The following TYW1 variants were observed in gnomAD, a reference collection of about 807,000 sequenced individuals.
TYW1 encodes tRNA-yW synthesizing protein 1 homolog.
TYW1 carries 46 observed loss-of-function variants against 96.2 expected under a neutral mutation model. That is an observed-to-expected ratio of 0.48 (90% CI 0.38 to 0.61). TYW1 has a LOEUF of 0.61. Among genes scored for constraint, TYW1 ranks in the 20% least tolerant of loss-of-function variants. TYW1 has a pLI of 0.00. For missense variants in TYW1, 684 were observed against 909.6 expected (o/e 0.75, Z 3.19); for synonymous variants, 274 against 323.0 (o/e 0.85, Z 1.63).
At chr7:67,034,717 T>C (rs1322069940) in intron 7 of TYW1, among the ~76,000 whole-genome samples, 1 of 152,260 alleles carries the variant, frequency 6.6e-6, no homozygotes, top group African/African-American at 2.4e-5. Context: ...TTCGTAATGA[T>C]GTCCCACAAT....
At chr7:67,074,836 T>G (rs111909982) in intron 10 of TYW1, among the ~76,000 whole-genome samples, 2,627 of 152,198 alleles carry the variant, frequency 0.017, 74 homozygotes, top group African/African-American at 0.059. Context: ...AGTGGGTTTT[T>G]TTTTTTATTC....
chr7:67,032,449 T>G (rs1468125110), intron 7 of TYW1, among the ~76,000 whole-genome samples: 2 of 152,078 alleles, frequency 1.3e-5, no homozygotes, highest in Non-Finnish European at 2.9e-5. Flanking sequence ...CAAAACCCTG[T>G]CTCTACCAAA....
At chr7:67,014,278 A>C in intron 4 of TYW1, 89 bp from the exon 5 acceptor site, 1 of 1,486,936 alleles carries the variant, frequency 6.7e-7, no homozygotes, top group Non-Finnish European at 9.0e-7. Flanking sequence ...TTGTTCTTTG[A>C]GATGAGTATG....
At chr7:67,076,497 A>G (rs1374905077) in intron 10 of TYW1, among the ~76,000 whole-genome samples, 3 of 151,720 alleles carry the variant, frequency 2.0e-5, no homozygotes, top group Non-Finnish European at 1.5e-5. Flanking sequence ...TTTTTTTTAG[A>G]CAGAGTCTCG....
chr7:67,146,985 T>C (rs1427372268), intron 13 of TYW1, among the ~76,000 whole-genome samples: 2 of 152,088 alleles, frequency 1.3e-5, no homozygotes, highest in African/African-American at 4.8e-5. Context: ...AGGGCACATC[T>C]TCTTTCTTTT....
At chr7:67,177,550 A>G (rs548914135) in intron 13 of TYW1, among the ~76,000 whole-genome samples, 1 of 152,368 alleles carries the variant, frequency 6.6e-6, no homozygotes, top group East Asian at 1.9e-4. Flanking sequence ...AGAAATATTC[A>G]AGACATTTGA....
intron 3 of TYW1, among the ~76,000 whole-genome samples, chr7:66,999,549 T>C (rs1793307891): frequency 6.6e-6 from 1 of 152,116 alleles, no homozygotes; most frequent in African/African-American, 2.4e-5. Context: ...GATGGGTGTT[T>C]TGCCATGTTG....
At chr7:67,030,465 A>G (rs970679294) in intron 7 of TYW1, among the ~76,000 whole-genome samples, 2 of 152,096 alleles carry the variant, frequency 1.3e-5, no homozygotes, top group Non-Finnish European at 2.9e-5. Context: ...CCCCATCTCT[A>G]TTAAAAAAAT....
chr7:67,135,484 AGTAGAGATGAG>A (rs1288007377), intron 13 of TYW1, among the ~76,000 whole-genome samples: 1 of 151,406 alleles, frequency 6.6e-6, no homozygotes, highest in African/African-American at 2.4e-5. Context: ...TTTGTATTTT[AGTAGAGATGAG>A]GTTTCCCCAT....
intron 15 of TYW1, among the ~76,000 whole-genome samples, chr7:67,211,191 T>TGTGTGTGTGTGTGTGTG (rs1353587546): frequency 4.1e-4 from 58 of 141,550 alleles, no homozygotes; most frequent in African/African-American, 7.2e-4. Context: ...TGTGTGTGTG[T>TGTGTGTGTGTGTGTGTG]TTTGAGCACT....
intron 3 of TYW1, among the ~76,000 whole-genome samples, chr7:67,001,623 C>T (rs1211506224): frequency 2.0e-5 from 3 of 151,468 alleles, no homozygotes; most frequent in African/African-American, 4.8e-5. Flanking sequence ...GGTTTCACCA[C>T]GGTGGTCAGA....
intron 13 of TYW1, among the ~76,000 whole-genome samples, chr7:67,128,727 G>A (rs1209082805): frequency 7.3e-6 from 1 of 137,906 alleles, no homozygotes; most frequent in East Asian, 2.2e-4. Flanking sequence ...GTCTTGCTCT[G>A]TCACAGGCTG....
At chr7:67,063,678 A>T (rs550228349) in intron 9 of TYW1, among the ~76,000 whole-genome samples, 10 of 151,844 alleles carry the variant, frequency 6.6e-5, no homozygotes, top group African/African-American at 2.4e-4. Flanking sequence ...ATCTCGGCTC[A>T]CTGCAAGTTC....
At chr7:67,022,944 G>A (rs1025612842) in intron 6 of TYW1, among the ~76,000 whole-genome samples, 6 of 152,136 alleles carry the variant, frequency 3.9e-5, no homozygotes, top group Non-Finnish European at 7.3e-5. Context: ...ATCTGGCACA[G>A]GACAGGCGTG....
At chr7:67,190,919 C>T (rs1343891988) in intron 14 of TYW1, among the ~76,000 whole-genome samples, 1 of 152,152 alleles carries the variant, frequency 6.6e-6, no homozygotes, top group Admixed American at 6.5e-5. Flanking sequence ...TTCCCACAGA[C>T]CATGAATCCC....
chr7:67,078,102 TG>T (rs1005030243), intron 10 of TYW1, among the ~76,000 whole-genome samples: 1 of 152,080 alleles, frequency 6.6e-6, no homozygotes, highest in African/African-American at 2.4e-5. Flanking sequence ...TTTTTGTTTT[TG>T]TTTTTTTTTT....
At chr7:67,194,334 A>G (rs1194443397) in intron 14 of TYW1, among the ~76,000 whole-genome samples, 1 of 150,906 alleles carries the variant, frequency 6.6e-6, no homozygotes, top group African/African-American at 2.5e-5. Flanking sequence ...TCCCTAAAGA[A>G]TAATTTTAGG....
chr7:67,113,142 C>T (rs1357044606), intron 12 of TYW1, among the ~76,000 whole-genome samples: 3 of 152,034 alleles, frequency 2.0e-5, no homozygotes, highest in African/African-American at 7.2e-5. Flanking sequence ...GACCTTGTTA[C>T]GTCTTTTGTA....
chr7:67,183,316 C>T (rs1799901428), intron 14 of TYW1, 80 bp downstream of exon 14: 4 of 1,256,408 alleles, frequency 3.2e-6, no homozygotes, highest in Non-Finnish European at 4.4e-6. Context: ...GGAGTTAAAA[C>T]CTTGTAAAAC....
Sources: gnomAD v4.1 joint callset for allele counts (sites outside exome capture counted in the v4.1 genomes callset) on GRCh38, gnomAD v4.1.1 for gene constraint, MANE v1.5 for transcripts, NCBI Gene and HGNC (gene_info 2026-07-23, HGNC 2026-07-21) for gene names.